The following MBD5 variants were observed in gnomAD, a reference collection of about 807,000 sequenced individuals.
The protein encoded by MBD5 is methyl-CpG binding domain protein 5.
A neutral mutation model predicts 117.3 loss-of-function variants in MBD5; 13 were observed. The observed-to-expected ratio is 0.11, with a 90% CI of 0.07 to 0.18. MBD5 has a LOEUF of 0.18. Ranked by LOEUF, MBD5 falls within the 10% of genes least tolerant of loss-of-function variation. The pLI, the probability that MBD5 is intolerant of heterozygous loss-of-function variation, is 1.00. For synonymous variants in MBD5, 727 were observed against 766.4 expected, an observed-to-expected ratio of 0.95 and a Z score of 0.85; for missense variants, 1,879 against 2,093.8, an observed-to-expected ratio of 0.90 and a Z score of 2.00.
intron 2 of MBD5, among the ~76,000 whole-genome samples, chr2:148,207,222 T>A (rs1699305177): frequency 6.6e-6 from 1 of 152,116 alleles, no homozygotes; most frequent in South Asian, 2.1e-4. Flanking sequence ...CTTGAGCATA[T>A]ATAGGTTGTA....
intron 3 of MBD5, among the ~76,000 whole-genome samples, chr2:148,331,809 T>C (rs1205921272): frequency 6.6e-6 from 1 of 151,180 alleles, no homozygotes. Context: ...TGAAAAAAAA[T>C]ACCCTAAGCA....
chr2:148,199,528 GGAGGCCGAGGTGGATGGATCACTT>G (rs910902975), intron 2 of MBD5, among the ~76,000 whole-genome samples: 2 of 152,146 alleles, frequency 1.3e-5, no homozygotes, highest in Non-Finnish European at 1.5e-5. Flanking sequence ...AACCACTTTG[GGAGGCCGAGGTGGATGGATCACTT>G]GAGGCCAGAG....
chr2:148,078,710 T>C (rs1312599896), intron 1 of MBD5, among the ~76,000 whole-genome samples: 1 of 152,222 alleles, frequency 6.6e-6, no homozygotes, highest in Non-Finnish European at 1.5e-5. Flanking sequence ...CATATATTCT[T>C]TGACTCTTTC....
chr2:148,450,231 T>G (rs981133688), intron 4 of MBD5, among the ~76,000 whole-genome samples: 6 of 152,152 alleles, frequency 3.9e-5, no homozygotes, highest in Admixed American at 3.3e-4. Context: ...ATCTCCATTT[T>G]ATAAGAAATT....
In MBD5 at chr2:148,483,240, A is replaced by C; in HGVS notation, c.2649A>C (p.Leu883=). Residue 883 remains leucine, a synonymous_variant, in exon 9 of 14, where the codon CTA becomes CTC. Transcript: ENST00000642680. ...TAAGNPLQSQ[L]PIGSDFPFVG... ...CTGGAAACCCACTGCAGAGTCAGCTACCCATTGGGAGTGATTTTCCTTTTG... is the reference window on the plus strand; with the variant it reads ...CTGGAAACCCACTGCAGAGTCAGCTCCCCATTGGGAGTGATTTTCCTTTTG... 6.2e-7 allele frequency: 1 copy of C among 1,614,058 alleles called. No homozygotes were observed. The highest frequency in any genetic ancestry group is 8.5e-7 in the Non-Finnish European group (1 of 1,180,004).
At chr2:148,264,698 G>A (rs959508534) in intron 3 of MBD5, 1 of 152,200 alleles carries the variant, frequency 6.6e-6, no homozygotes, top group Admixed American at 6.6e-5. Context: ...ATGAAGAAAT[G>A]TAAAGCCTTG....
At chr2:148,258,818 TG>T (rs1400098462) in intron 3 of MBD5, among the ~76,000 whole-genome samples, 2 of 152,166 alleles carry the variant, frequency 1.3e-5, no homozygotes, top group Non-Finnish European at 2.9e-5. Flanking sequence ...TTTTCTCCCA[TG>T]GGGGCCCCCC....
chr2:148,068,682 T>A (rs1325428956), intron 1 of MBD5: 1 of 152,172 alleles, frequency 6.6e-6, no homozygotes, highest in Non-Finnish European at 1.5e-5. Flanking sequence ...TATTGATAGG[T>A]TCCTTTTTTC....
chr2:148,152,876 G>A (rs942272059), intron 1 of MBD5, among the ~76,000 whole-genome samples: 4 of 151,790 alleles, frequency 2.6e-5, no homozygotes, highest in East Asian at 1.9e-4. Flanking sequence ...ACACTGATGG[G>A]TCTTGACTCT....
At chr2:148,354,514 A>G (rs985969292) in intron 4 of MBD5, among the ~76,000 whole-genome samples, 3 of 152,136 alleles carry the variant, frequency 2.0e-5, no homozygotes, top group African/African-American at 7.2e-5. Flanking sequence ...CCAGTCTATC[A>G]CTGATGGACA....
Position 148,490,080 on chromosome 2 carries a change from C to T in MBD5, c.4448C>T (p.Pro1483Leu). 6.2e-7 allele frequency: 1 copy of T among 1,613,936 alleles called. No individual in the cohort carries two copies. ...LPGEQHPILL[P>L]PRNCPGDKIL... ...GGGGAACAGCACCCAATACTGTTACCACCAAGAAACTGTCCAGGGGATAAA... is the reference window on the plus strand; with the variant it reads ...GGGGAACAGCACCCAATACTGTTACTACCAAGAAACTGTCCAGGGGATAAA... Residue 1483 changes from proline (P) to leucine (L), a missense_variant, in exon 11 of 14, where the codon CCA (proline) becomes CTA (leucine). Physicochemically the swap from Pro to Leu is moderately conservative, Grantham distance 98 (BLOSUM62 -3). This residue lies in a region of MBD5 where 1,666 missense variants were observed against 1,792.2 expected (regional missense o/e 0.93). Coordinates refer to ENST00000642680, the MANE Select transcript of MBD5 (RefSeq NM_001378120.1).
intron 1 of MBD5, among the ~76,000 whole-genome samples, chr2:148,072,390 A>G (rs1312410450): frequency 6.6e-6 from 1 of 152,190 alleles, no homozygotes; most frequent in Non-Finnish European, 1.5e-5. Context: ...TTTAGTATTT[A>G]TAGGTAAGAC....
chr2:148,182,308 GTA>G (rs1698551886), intron 2 of MBD5, among the ~76,000 whole-genome samples: 1 of 151,888 alleles, frequency 6.6e-6, no homozygotes, highest in Non-Finnish European at 1.5e-5. Flanking sequence ...TCATCCTGTG[GTA>G]TATTAATGTT....
chr2:148,382,427 C>G (rs1397454490), intron 4 of MBD5, among the ~76,000 whole-genome samples: 8 of 152,096 alleles, frequency 5.3e-5, no homozygotes, highest in African/African-American at 1.9e-4. Context: ...TATATGCACC[C>G]AATACAGGAG....
chr2:148,421,846 C>G (rs1359918297), intron 4 of MBD5, among the ~76,000 whole-genome samples: 1 of 152,354 alleles, frequency 6.6e-6, no homozygotes, highest in East Asian at 1.9e-4. Flanking sequence ...CCCACCACAG[C>G]TCAGCAAGGC....
chr2:148,205,558 CAG>C (rs1293440322), intron 2 of MBD5, among the ~76,000 whole-genome samples: 1 of 152,056 alleles, frequency 6.6e-6, no homozygotes, highest in Non-Finnish European at 1.5e-5. Flanking sequence ...TTGCTTATAA[CAG>C]TGAACTAATA....
chr2:148,217,170 T>A (rs1479740055), intron 2 of MBD5, among the ~76,000 whole-genome samples: 2 of 152,130 alleles, frequency 1.3e-5, no homozygotes, highest in Non-Finnish European at 2.9e-5. Context: ...TCTTCTGTGA[T>A]GGGGCTACGG....
chr2:148,494,635 T>C (rs1052383109), intron 11 of MBD5, among the ~76,000 whole-genome samples: 5 of 152,200 alleles, frequency 3.3e-5, no homozygotes, highest in Non-Finnish European at 7.3e-5. Flanking sequence ...TCCTTCCTAA[T>C]GTGTTTTTTC....
At chr2:148,386,223 G>C (rs1386939385) in intron 4 of MBD5, among the ~76,000 whole-genome samples, 3 of 151,988 alleles carry the variant, frequency 2.0e-5, no homozygotes, top group Non-Finnish European at 4.4e-5. Flanking sequence ...AGATAATAAA[G>C]AGCAGAAATT....
Sources: allele counts gnomAD v4.1 joint callset (sites outside exome capture counted in the v4.1 genomes callset), GRCh38; gene constraint gnomAD v4.1.1; regional missense constraint gnomAD v4.1.1; transcripts MANE v1.5; gene names NCBI Gene and HGNC (gene_info 2026-07-23, HGNC 2026-07-21).